Variants in KAZN observed in about 807,000 individuals in gnomAD.
The protein encoded by KAZN is kazrin, periplakin interacting protein, also known as kazrin.
In KAZN, 40 loss-of-function variants were observed where a neutral mutation model predicts 87.4. That is an observed-to-expected ratio of 0.46 (90% confidence interval 0.36 to 0.60). KAZN has a LOEUF of 0.60. KAZN is among the 20% of genes least tolerant of loss of function. The pLI is 0.00. For missense variants in KAZN, 898 were observed against 1,073.9 expected (o/e 0.84, Z 2.29); for synonymous variants, 466 against 458.3 (o/e 1.02, Z -0.22).
intron 1 of KAZN, among the ~76,000 whole-genome samples, chr1:14,884,164 C>A (rs1237250026): frequency 6.6e-6 from 1 of 152,010 alleles, no homozygotes; most frequent in Non-Finnish European, 1.5e-5. Context: ...GAGGCCGAGG[C>A]GGGTGGGTCA....
In KAZN at chr1:14,966,462, C is replaced by A. The variant is rs80311147; in HGVS notation, c.418+5587C>A. 3.7e-3 allele frequency among the ~76,000 whole-genome samples: 562 copies of A among 152,194 alleles called. 1 individual carries two copies. Among genetic ancestry groups the A allele is most frequent in the African/African-American group, 0.013 (542 of 41,506 alleles). ...ATTGTTGTTTTGGTTGAAAATCTGG[C>A]GTACGCAGTTTTGTATTAATAGTTG... On this transcript the variant is annotated intron_variant, in intron 2 of 14. Transcript: ENST00000376030.
At chr1:14,577,282 CT>C (rs1173332616) in intron 2 of KAZN, among the ~76,000 whole-genome samples, 1 of 152,162 alleles carries the variant, frequency 6.6e-6, no homozygotes, top group Non-Finnish European at 1.5e-5. Context: ...TTGATTTCTG[CT>C]TTTCAAGCTG....
At chr1:14,311,086 T>C (rs13375460) in intron 2 of KAZN, among the ~76,000 whole-genome samples, 16,764 of 152,220 alleles carry the variant, frequency 0.11, 984 homozygotes, top group East Asian at 0.22. Context: ...CTTTGGTAAC[T>C]GTGGAGAGAA....
At chr1:14,108,968 A>T (rs1207854558) in intron 1 of KAZN, among the ~76,000 whole-genome samples, 1 of 152,184 alleles carries the variant, frequency 6.6e-6, no homozygotes, top group East Asian at 1.9e-4. Context: ...AATCGTGTGT[A>T]TGAGTGTTTC....
chr1:14,630,893 G>A (rs1679511228), intron 1 of KAZN, among the ~76,000 whole-genome samples: 2 of 152,134 alleles, frequency 1.3e-5, no homozygotes, highest in African/African-American at 4.8e-5. Flanking sequence ...AAGGGTTGTT[G>A]CAAAGATTGC....
intron 2 of KAZN, among the ~76,000 whole-genome samples, chr1:14,581,309 T>A (rs1354482641): frequency 6.6e-6 from 1 of 152,168 alleles, no homozygotes; most frequent in Non-Finnish European, 1.5e-5. Context: ...ATTCAGGTCA[T>A]CCTTTTCTCC....
intron 1 of KAZN, among the ~76,000 whole-genome samples, chr1:14,043,924 A>G (rs1056763412): frequency 3.9e-5 from 6 of 152,202 alleles, no homozygotes; most frequent in African/African-American, 1.4e-4. Context: ...CTGAGAAACA[A>G]CAATGTATTG....
At chr1:14,240,473 C>T (rs570931794) in intron 2 of KAZN, among the ~76,000 whole-genome samples, 5 of 152,216 alleles carry the variant, frequency 3.3e-5, no homozygotes, top group Non-Finnish European at 7.3e-5. Flanking sequence ...GGGGGCCTTG[C>T]TCAGTTCCTC....
chr1:14,816,846 C>G (rs3845591), intron 1 of KAZN, among the ~76,000 whole-genome samples: 2 of 151,940 alleles, frequency 1.3e-5, no homozygotes, highest in Non-Finnish European at 2.9e-5. Context: ...GATTGATAGA[C>G]AGATAGATGG....
In KAZN at chr1:15,094,464, C is replaced by T. The variant is rs1640710661; in HGVS notation, c.1428+79C>T. On this transcript the variant is annotated intron_variant, in intron 9 of 14. Transcript: ENST00000376030. The surrounding 1 kb of genome is among the most constrained non-coding windows in gnomAD (Gnocchi z 4.5). ...ACGTACCCAGAAGCTGGCCTGCCCC[C>T]CACTCCTACCCTGGAGTCAGGAGAA... 1 of 1,316,084 alleles carries T rather than the reference C, an allele frequency of 7.6e-7. No homozygotes were observed. The highest frequency in any genetic ancestry group is 1.1e-6 in the Non-Finnish European group (1 of 947,262). 81.5% of individuals were successfully genotyped at this position (1,316,084 alleles called of 1,614,324 possible).
chr1:15,073,352 G>A (rs1320991214), intron 8 of KAZN, among the ~76,000 whole-genome samples: 2 of 152,216 alleles, frequency 1.3e-5, no homozygotes, highest in African/African-American at 4.8e-5. Flanking sequence ...TGCCTGGTGT[G>A]GGCTCAGTCG....
intron 2 of KAZN, among the ~76,000 whole-genome samples, chr1:14,458,409 T>G: frequency 6.6e-6 from 1 of 152,232 alleles, no homozygotes; most frequent in East Asian, 1.9e-4. Flanking sequence ...AATCGCAGTT[T>G]TATTTTTTCC....
intron 1 of KAZN, among the ~76,000 whole-genome samples, chr1:14,087,379 C>T (rs1643881135): frequency 1.3e-5 from 2 of 152,150 alleles, no homozygotes; most frequent in African/African-American, 4.8e-5. Context: ...GAATTTTCTA[C>T]AAAGGTAATC....
chr1:14,113,167 C>A (rs2101678409), intron 1 of KAZN, among the ~76,000 whole-genome samples: 1 of 152,324 alleles, frequency 6.6e-6, no homozygotes, highest in East Asian at 1.9e-4. Context: ...GATCCCCATG[C>A]AATTTCAAGG....
intron 1 of KAZN, among the ~76,000 whole-genome samples, chr1:14,729,568 G>A (rs1214636323): frequency 6.6e-6 from 1 of 152,232 alleles, no homozygotes; most frequent in Non-Finnish European, 1.5e-5. Flanking sequence ...GTGTGTGAAT[G>A]TAGACCTTCA....
intron 1 of KAZN, among the ~76,000 whole-genome samples, chr1:14,694,799 T>G (rs1641506039): frequency 6.6e-6 from 1 of 152,258 alleles, no homozygotes; most frequent in Non-Finnish European, 1.5e-5. Context: ...AAGGACTCAA[T>G]GCATCACTGC....
chr1:14,935,782 C>T (rs775409944), intron 1 of KAZN, among the ~76,000 whole-genome samples: 1 of 152,146 alleles, frequency 6.6e-6, no homozygotes, highest in East Asian at 1.9e-4. Context: ...GGATGTGTCA[C>T]TAGATGGTCT....
chr1:14,372,343 G>C (rs556648869), intron 2 of KAZN, among the ~76,000 whole-genome samples: 1 of 152,306 alleles, frequency 6.6e-6, no homozygotes, highest in Non-Finnish European at 1.5e-5. Context: ...CTTGGACTTT[G>C]AGTCATTGGA....
intron 2 of KAZN, among the ~76,000 whole-genome samples, chr1:14,569,879 G>A (rs1408646165): frequency 4.0e-5 from 6 of 151,710 alleles, no homozygotes; most frequent in African/African-American, 9.7e-5. Context: ...TTGGGAGGCC[G>A]AGGTGGGTGG....
Sources: allele counts gnomAD v4.1 joint callset (sites outside exome capture counted in the v4.1 genomes callset), GRCh38; gene constraint gnomAD v4.1.1; non-coding constraint Gnocchi (gnomAD v3.1); transcripts MANE v1.5; gene names NCBI Gene and HGNC (gene_info 2026-07-23, HGNC 2026-07-21).